SPAST: variants seen among roughly 807,000 people sequenced by gnomAD.
SPAST encodes spastic paraplegia 4 (autosomal dominant; spastin).
Under a neutral mutation model 76.6 loss-of-function variants are expected in SPAST, and 30 were observed. That is an observed-to-expected ratio of 0.39 (90% CI 0.29 to 0.53). The LOEUF is 0.53. SPAST is among the 20% of genes least tolerant of loss of function. SPAST has a pLI of 0.68. For missense variants in SPAST, 717 were observed against 770.5 expected, an observed-to-expected ratio of 0.93 and a Z score of 0.82; for synonymous variants, 305 against 281.0, an observed-to-expected ratio of 1.09 and a Z score of -0.86.
At chr2:32,066,992 AC>A (rs1553395245) in intron 1 of SPAST, among the ~76,000 whole-genome samples, 4 of 54,684 alleles carry the variant, frequency 7.3e-5, no homozygotes, top group Non-Finnish European at 8.0e-5. Flanking sequence ...AAAAAAAAAA[AC>A]CAAAAAAAAA....
chr2:32,147,267 T>C lies in SPAST; in HGVS notation c.1728+9T>C. 6.3e-7 allele frequency: 1 copy of C among 1,582,636 alleles called. No homozygotes were observed. ...ATATGTCTGCCAGTGAGGTATAGTA[T>C]TTTACAATGATATTTTCTTTGTCTT... On this transcript the variant is annotated intron_variant, in intron 16 of 16. Coordinates refer to ENST00000315285, the MANE Select transcript of SPAST (RefSeq NM_014946.4).
At chr2:32,127,840 C>T (rs1293003110) in intron 8 of SPAST, 1 of 152,124 alleles carries the variant, frequency 6.6e-6, no homozygotes, top group Non-Finnish European at 1.5e-5. Context: ...AACACTGTCT[C>T]TCTTTTTTTT....
In SPAST at chr2:32,089,218, T is replaced by TTTTTTTTTTTTTTTTTTC. The variant is rs375850129; in HGVS notation, c.503-304_503-303insTTTTTTTTTTTTTTTTTC. ...CGGCTAATTTTTTTTTTTTTTTTTT[T>TTTTTTTTTTTTTTTTTTC]AAGTAGAGACCAGATCTCTTTATGT... On this transcript the variant is annotated intron_variant, in intron 2 of 16. Coordinates refer to ENST00000315285, the MANE Select transcript of SPAST (RefSeq NM_014946.4). Among the ~76,000 whole-genome samples the TTTTTTTTTTTTTTTTTTC allele has an allele frequency of 3.0e-3, 392 of 129,952 alleles. 35 individuals carry two copies. Among genetic ancestry groups the TTTTTTTTTTTTTTTTTTC allele is most frequent in the Non-Finnish European group, 5.1e-3 (313 of 61,756 alleles). 85.3% of individuals were successfully genotyped at this position (129,952 alleles called of 152,430 possible).
chr2:32,089,199 A>ATTTTTT (rs375585004), intron 2 of SPAST, among the ~76,000 whole-genome samples: 3 of 89,892 alleles, frequency 3.3e-5, no homozygotes, highest in Admixed American at 2.4e-4. Flanking sequence ...TGCTCGGCTA[A>ATTTTTT]TTTTTTTTTT....
At chr2:32,074,058 C>A (rs1676856017) in intron 1 of SPAST, among the ~76,000 whole-genome samples, 1 of 152,126 alleles carries the variant, frequency 6.6e-6, no homozygotes, top group Non-Finnish European at 1.5e-5. Context: ...TATGTAATAA[C>A]CATGGTATGT....
chr2:32,094,790 C>T (rs1558309714), intron 3 of SPAST, among the ~76,000 whole-genome samples: 1 of 152,124 alleles, frequency 6.6e-6, no homozygotes, highest in East Asian at 1.9e-4. Context: ...GCCAACATGG[C>T]GAAACCTTGT....
chr2:32,119,442 A>T (rs1004586086), intron 7 of SPAST, among the ~76,000 whole-genome samples: 4 of 152,184 alleles, frequency 2.6e-5, no homozygotes, highest in African/African-American at 9.6e-5. Context: ...TTTTTATTTC[A>T]TTGTAGAAAC....
Position 32,154,611 on chromosome 2 carries a change from T to C in SPAST, c.*115T>C. On this transcript the variant is annotated 3_prime_UTR_variant, in exon 17 of 17. Transcript: ENST00000315285. Reference sequence around the variant, plus strand: ...AAGTTTACAGGACTTTTTAGAGTCTTACATATTTGTGCACCAAACTTGAAG... The same window carrying C: ...AAGTTTACAGGACTTTTTAGAGTCTCACATATTTGTGCACCAAACTTGAAG... 1 of 1,030,006 alleles carries C rather than the reference T, an allele frequency of 9.7e-7. No individual in the cohort carries two copies. The highest frequency in any genetic ancestry group is 1.5e-6 in the Non-Finnish European group (1 of 676,176). The allele number at this position is 1,030,006 out of a possible 1,614,324, so 63.8% of individuals were successfully genotyped here.
chr2:32,127,914 A>G (rs1025728390), intron 8 of SPAST: 15 of 155,684 alleles, frequency 9.6e-5, no homozygotes, highest in Non-Finnish European at 1.6e-4. Context: ...TCTTCCTATA[A>G]CCTGTCCTTA....
At chr2:32,149,868 A>G (rs904782399) in intron 16 of SPAST, among the ~76,000 whole-genome samples, 3 of 152,128 alleles carry the variant, frequency 2.0e-5, no homozygotes, top group African/African-American at 7.2e-5. Context: ...ACTGAGGGAC[A>G]GCTGTATATT....
At chr2:32,065,443 A>T (rs1257362035) in intron 1 of SPAST, among the ~76,000 whole-genome samples, 1 of 152,202 alleles carries the variant, frequency 6.6e-6, no homozygotes, top group Non-Finnish European at 1.5e-5. Context: ...TAATCCTCAC[A>T]ATAACTTTGT....
At chr2:32,086,830 CAAAA>C (rs956417060) in intron 1 of SPAST, among the ~76,000 whole-genome samples, 2 of 151,818 alleles carry the variant, frequency 1.3e-5, no homozygotes, top group Admixed American at 6.6e-5. Context: ...AGAAATAAAA[CAAAA>C]AATTAATTTT....
At chr2:32,131,865 T>C (rs796640644) in intron 9 of SPAST, among the ~76,000 whole-genome samples, 6 of 152,054 alleles carry the variant, frequency 3.9e-5, no homozygotes, top group African/African-American at 1.4e-4. Context: ...TTTCACCATG[T>C]TGGCCAGGAT....
chr2:32,081,380 C>A (rs1006127181), intron 1 of SPAST, among the ~76,000 whole-genome samples: 1 of 152,200 alleles, frequency 6.6e-6, no homozygotes, highest in Admixed American at 6.5e-5. Flanking sequence ...AGGCATGAGC[C>A]ACCACGCCTG....
In SPAST at chr2:32,130,920, A is replaced by G. The variant is rs182494740; in HGVS notation, c.1245+2441A>G. Among the ~76,000 whole-genome samples the G allele has an allele frequency of 4.1e-3, 628 of 152,340 alleles. 2 individuals are homozygous for G. The highest frequency in any genetic ancestry group is 6.0e-3 in the Non-Finnish European group (405 of 68,026). On this transcript the variant is annotated intron_variant, in intron 9 of 16. Transcript: ENST00000315285. ...ATGAGATCAGAATTGTCTAGCTGCT[A>G]TGAACAGCATGTTCTCTCCCTGTAC...
intron 12 of SPAST, among the ~76,000 whole-genome samples, chr2:32,140,134 T>C (rs1679669317): frequency 6.6e-6 from 1 of 152,202 alleles, no homozygotes; most frequent in African/African-American, 2.4e-5. Flanking sequence ...CTTCATCCTT[T>C]TAAACTCTTA....
intron 12 of SPAST, among the ~76,000 whole-genome samples, chr2:32,139,582 C>T (rs980772475): frequency 6.6e-6 from 1 of 152,062 alleles, no homozygotes; most frequent in African/African-American, 2.4e-5. Flanking sequence ...AATCCCAGCA[C>T]TTTGGGAGGC....
rs775855699 is a variant in SPAST, at chr2:32,128,498, A to G, written c.1245+19A>G. The G allele has an allele frequency of 6.1e-6, 9 of 1,487,280 alleles. No individual in the cohort carries two copies. Among genetic ancestry groups the G allele is most frequent in the Admixed American group, 5.0e-5 (3 of 59,816 alleles). 92.1% of individuals were successfully genotyped at this position (1,487,280 alleles called of 1,614,324 possible). On this transcript the variant is annotated intron_variant, in intron 9 of 16. Coordinates refer to ENST00000315285, the MANE Select transcript of SPAST (RefSeq NM_014946.4). ...AAAATACGTGAGTGCTCTGTTTCCA[A>G]TATTGTCGTATTTTAAGTTACTGTC...
chr2:32,141,737 C>T (rs759551086), intron 12 of SPAST, among the ~76,000 whole-genome samples, 167 bp from the exon 13 acceptor site: 9 of 152,260 alleles, frequency 5.9e-5, no homozygotes, highest in South Asian at 4.1e-4. Context: ...GGATTTTAAA[C>T]ATTAACTAGA....
Sources: gnomAD v4.1 joint callset for allele counts (sites outside exome capture counted in the v4.1 genomes callset) on GRCh38, gnomAD v4.1.1 for gene constraint, MANE v1.5 for transcripts, NCBI Gene and HGNC (gene_info 2026-07-23, HGNC 2026-07-21) for gene names.